SLC36A1: variants seen among roughly 807,000 people sequenced by gnomAD.
SLC36A1 encodes proton-coupled amino acid transporter 1.
Under a neutral mutation model 47.5 loss-of-function variants are expected in SLC36A1, and 30 were observed. The observed-to-expected ratio is 0.63, with a 90% confidence interval of 0.47 to 0.86. SLC36A1 has a LOEUF of 0.86. Ranked by LOEUF, SLC36A1 falls within the 40% of genes least tolerant of loss-of-function variation. The pLI is 0.00. For synonymous variants in SLC36A1, 255 were observed against 249.7 expected (o/e 1.02, Z -0.20); for missense variants, 517 against 606.0 (o/e 0.85, Z 1.54).
At chr5:151,540,594 G>A in the SLC36A1 span, 117 of 1,613,254 alleles carry the variant, frequency 7.3e-5, no homozygotes, top group Non-Finnish European at 9.6e-5. Flanking sequence ...TGTTATCATT[G>A]ACGTCCAGGA....
At chr5:151,470,637 A>G (rs186754044) in intron 7 of SLC36A1, among the ~76,000 whole-genome samples, 6 of 152,342 alleles carry the variant, frequency 3.9e-5, no homozygotes, top group Admixed American at 3.3e-4. Context: ...TTGATGTGTC[A>G]TACAGCTAAA....
chr5:151,551,697 A>G, the SLC36A1 span: 30 of 1,395,946 alleles, frequency 2.1e-5, no homozygotes, highest in South Asian at 3.4e-4. Context: ...CTCAGAGGAC[A>G]CGGTGGTAAA....
chr5:151,540,580 G>A, the SLC36A1 span: 1 of 1,613,302 alleles, frequency 6.2e-7, no homozygotes, highest in Non-Finnish European at 8.5e-7. Flanking sequence ...TGAACACTGT[G>A]GGCTGTTATC....
At chr5:151,376,788 A>G in the SLC36A1 span, among the ~76,000 whole-genome samples, 1 of 152,074 alleles carries the variant, frequency 6.6e-6, no homozygotes, top group Non-Finnish European at 1.5e-5. Context: ...ACATGCCACC[A>G]CACCTGGCTA....
the SLC36A1 span, chr5:151,543,657 T>C: frequency 6.2e-7 from 1 of 1,614,220 alleles, no homozygotes; most frequent in South Asian, 1.1e-5. Flanking sequence ...CATTCTCTGC[T>C]AATTCTGCCT....
chr5:151,433,643 A>G (rs1759594726), upstream of SLC36A1, among the ~76,000 whole-genome samples: 2 of 152,142 alleles, frequency 1.3e-5, no homozygotes, highest in African/African-American at 4.8e-5. Flanking sequence ...AGATCAAGAG[A>G]GCAAGGAATT....
At chr5:151,543,997 G>A in the SLC36A1 span, 1 of 1,614,192 alleles carries the variant, frequency 6.2e-7, no homozygotes, top group Non-Finnish European at 8.5e-7. Context: ...TCTGAACTCT[G>A]GGGGGTTGTC....
At chr5:151,395,462 T>C in the SLC36A1 span, among the ~76,000 whole-genome samples, 1 of 152,160 alleles carries the variant, frequency 6.6e-6, no homozygotes, top group Admixed American at 6.5e-5. Flanking sequence ...GGTACCTCAG[T>C]TGGAAATGCA....
chr5:151,436,069 T>TA (rs200733356), upstream of SLC36A1, among the ~76,000 whole-genome samples: 4,937 of 152,178 alleles, frequency 0.032, 256 homozygotes, highest in African/African-American at 0.11. Context: ...ATATATGAAT[T>TA]GCCTATTCAT....
At chr5:151,551,397 T>C in the SLC36A1 span, 13 of 1,551,004 alleles carry the variant, frequency 8.4e-6, no homozygotes, top group East Asian at 2.7e-4. Flanking sequence ...AAAACCTCTG[T>C]AGCCTCATCC....
the SLC36A1 span, among the ~76,000 whole-genome samples, chr5:151,429,630 C>T: frequency 6.6e-6 from 1 of 152,064 alleles, no homozygotes; most frequent in Non-Finnish European, 1.5e-5. Flanking sequence ...GGTTTGGGCT[C>T]AGGAATGGGG....
chr5:151,517,107 C>CA, the SLC36A1 span, among the ~76,000 whole-genome samples: 5,931 of 90,756 alleles, frequency 0.065, 367 homozygotes, highest in African/African-American at 0.2. Flanking sequence ...GACTCCATCT[C>CA]AAAAAAAAAA....
the SLC36A1 span, among the ~76,000 whole-genome samples, chr5:151,356,994 T>G: frequency 6.6e-6 from 1 of 152,094 alleles, no homozygotes; most frequent in Non-Finnish European, 1.5e-5. Context: ...ACTATGCAGG[T>G]CCCCAAGCAC....
chr5:151,396,057 ACCGTG>A, the SLC36A1 span, among the ~76,000 whole-genome samples: 1 of 151,758 alleles, frequency 6.6e-6, no homozygotes, highest in Non-Finnish European at 1.5e-5. Context: ...GGACCTGCTC[ACCGTG>A]GCCTCCCAAA....
At chr5:151,448,957 G>A (rs1000551495) in intron 1 of SLC36A1, among the ~76,000 whole-genome samples, 21 of 152,228 alleles carry the variant, frequency 1.4e-4, no homozygotes, top group African/African-American at 5.1e-4. Flanking sequence ...TCACTATGCT[G>A]CCCAGGCTGA....
At chr5:151,425,624 A>C in the SLC36A1 span, among the ~76,000 whole-genome samples, 1 of 152,124 alleles carries the variant, frequency 6.6e-6, no homozygotes, top group Admixed American at 6.6e-5. Flanking sequence ...TGAGTGAATA[A>C]ATTAATTAGG....
At chr5:151,439,486 C>G (rs1037812218) in intron 1 of SLC36A1, among the ~76,000 whole-genome samples, 1 of 151,988 alleles carries the variant, frequency 6.6e-6, no homozygotes, top group South Asian at 2.1e-4. Flanking sequence ...AATCCCATCT[C>G]TACTAAAAAT....
chr5:151,400,310 C>T, the SLC36A1 span, among the ~76,000 whole-genome samples: 1 of 152,184 alleles, frequency 6.6e-6, no homozygotes, highest in Non-Finnish European at 1.5e-5. Context: ...CCTCCAGCTG[C>T]ATCCATGTTG....
At chr5:151,380,674 T>C in the SLC36A1 span, 1 of 552,134 alleles carries the variant, frequency 1.8e-6, no homozygotes, top group Non-Finnish European at 3.7e-6. Flanking sequence ...CAAAGATCAG[T>C]TGGTTGAGCA....
Sources: gnomAD v4.1 joint callset for allele counts (sites outside exome capture counted in the v4.1 genomes callset) on GRCh38, gnomAD v4.1.1 for gene constraint, MANE v1.5 for transcripts, NCBI Gene and HGNC (gene_info 2026-07-23, HGNC 2026-07-21) for gene names.